The following SMAD2 variants were observed in gnomAD, a reference collection of about 807,000 sequenced individuals.
The protein encoded by SMAD2 is MAD homolog 2.
Under a neutral mutation model 64.4 loss-of-function variants are expected in SMAD2, and 8 were observed. The observed-to-expected ratio is 0.12, with a 90% CI of 0.07 to 0.22. SMAD2 has a LOEUF of 0.22. SMAD2 is among the 10% of genes least tolerant of loss of function. The pLI, the probability that SMAD2 is intolerant of heterozygous loss-of-function variation, is 1.00. For missense variants in SMAD2, 289 were observed against 561.2 expected (o/e 0.51, Z 4.90); for synonymous variants, 203 against 195.8 (o/e 1.04, Z -0.31).
Position 47,821,078 on chromosome 18 carries a change from G to C in SMAD2, c.*20749C>G, listed in dbSNP as rs889608242. On this transcript the variant is annotated 3_prime_UTR_variant, in exon 11 of 11. Transcript: ENST00000262160. Reference sequence around the variant, plus strand: ...TTAAATTTCTGCCATATTTCCTTCTGAGATCCGTTTAATTTCCCCTAGATT... The same window carrying C: ...TTAAATTTCTGCCATATTTCCTTCTCAGATCCGTTTAATTTCCCCTAGATT... 6.6e-6 allele frequency: 1 copy of C among 151,976 alleles called. No homozygotes were observed. Among genetic ancestry groups the C allele is most frequent in the African/African-American group, 2.4e-5 (1 of 41,376 alleles). 9.4% of individuals were successfully genotyped at this position (151,976 alleles called of 1,614,324 possible).
chr18:47,869,219 G>T (rs1196262995), intron 4 of SMAD2, 24 bp downstream of exon 4: 2 of 1,585,250 alleles, frequency 1.3e-6, no homozygotes, highest in Non-Finnish European at 1.7e-6. Context: ...TCAAAACCAA[G>T]AAAAAAACTT....
Position 47,841,736 on chromosome 18 carries a change from G to C in SMAD2, c.*91C>G. On this transcript the variant is annotated 3_prime_UTR_variant, in exon 11 of 11. Coordinates refer to ENST00000262160, the MANE Select transcript of SMAD2 (RefSeq NM_005901.6). ...GTGCTGTTTTCTCTCTTGAACTTTT[G>C]GATAGTAAACAGTCCATAGGGACCA... The C allele has an allele frequency of 1.4e-6, 2 of 1,470,122 alleles. No homozygotes were observed. Among genetic ancestry groups the C allele is most frequent in the African/African-American group, 1.4e-5 (1 of 72,246 alleles). The allele number at this position is 1,470,122 out of a possible 1,614,324, so 91.1% of individuals were successfully genotyped here. A position where few individuals can be genotyped will look rare whatever the true frequency, so the allele number is the denominator to read the frequency against.
chr18:47,887,393 C>T (rs1231541674), intron 2 of SMAD2, among the ~76,000 whole-genome samples: 4 of 152,112 alleles, frequency 2.6e-5, no homozygotes, highest in African/African-American at 7.2e-5. Flanking sequence ...AAAAGGGGCA[C>T]GATCTTAAGT....
At chr18:47,926,967 G>A (rs2034791791) in intron 1 of SMAD2, among the ~76,000 whole-genome samples, 1 of 152,166 alleles carries the variant, frequency 6.6e-6, no homozygotes, top group African/African-American at 2.4e-5. Context: ...GCCCAGTATT[G>A]TAACTGAGAA....
chr18:47,897,378 T>C (rs1598856970), intron 1 of SMAD2, among the ~76,000 whole-genome samples: 1 of 29,188 alleles, frequency 3.4e-5, no homozygotes, highest in African/African-American at 3.8e-5. Flanking sequence ...GAGAGAAATT[T>C]TTTAACACAT....
chr18:47,870,400 AC>A, intron 3 of SMAD2, 74 bp downstream of exon 3: 2 of 1,053,160 alleles, frequency 1.9e-6, no homozygotes, highest in Non-Finnish European at 3.0e-6. Flanking sequence ...ATACTAAGCA[AC>A]CCCATATAGG....
intron 10 of SMAD2, among the ~76,000 whole-genome samples, chr18:47,842,851 C>A (rs1007826085): frequency 6.6e-6 from 1 of 152,170 alleles, no homozygotes; most frequent in African/African-American, 2.4e-5. Context: ...AAGAGAATTA[C>A]AAATTATTCA....
intron 2 of SMAD2, among the ~76,000 whole-genome samples, chr18:47,887,127 T>C (rs778413255): frequency 2.6e-5 from 4 of 152,162 alleles, no homozygotes; most frequent in Non-Finnish European, 4.4e-5. Context: ...ACTCTAGTCA[T>C]TGCTCTCCAA....
intron 2 of SMAD2, among the ~76,000 whole-genome samples, chr18:47,870,997 C>A (rs2031898809): frequency 6.6e-6 from 1 of 152,038 alleles, no homozygotes; most frequent in Non-Finnish European, 1.5e-5. Flanking sequence ...AGACATGCAT[C>A]CACAGTTAAG....
At chr18:47,889,644 G>A (rs1043354398) in intron 2 of SMAD2, among the ~76,000 whole-genome samples, 17 of 151,870 alleles carry the variant, frequency 1.1e-4, no homozygotes, top group African/African-American at 2.9e-4. Flanking sequence ...GGTGGCAGGC[G>A]CCTGTAGTCC....
At position 47,920,780 on chromosome 18, in the gene SMAD2, G is replaced by A. The variant is rs140648242; in HGVS notation, c.-54+9581C>T. Among the ~76,000 whole-genome samples the A allele has an allele frequency of 1.6e-3, 250 of 152,320 alleles. 6 individuals carry two copies. In the East Asian group the frequency reaches 0.044, roughly 27 times the overall value. On this transcript the variant is annotated intron_variant, in intron 1 of 10. Transcript: ENST00000262160. ...AGACATACCTGCAAAGGAGCAAAAT[G>A]CTATATAAACGAAGTTATTTGTTGT...
At chr18:47,851,472 A>G (rs561922850) in intron 6 of SMAD2, 145 bp from the exon 7 acceptor site, 10 of 361,350 alleles carry the variant, frequency 2.8e-5, no homozygotes, top group Non-Finnish European at 5.1e-5. Context: ...GTAAGTGCTT[A>G]AATTTAGTTT....
chr18:47,823,350 G>A lies in SMAD2; in HGVS notation c.*18477C>T, dbSNP rs1302769842. ...ATCTGTTTTATTCTGAACATCTTTGGTAAAAATCAGGGTAACTTTAAGTTT... is the reference window on the plus strand; with the variant it reads ...ATCTGTTTTATTCTGAACATCTTTGATAAAAATCAGGGTAACTTTAAGTTT... On this transcript the variant is annotated 3_prime_UTR_variant, in exon 11 of 11. Transcript: ENST00000262160. The A allele has an allele frequency of 6.6e-6, 1 of 152,108 alleles. No homozygotes were observed. The highest frequency in any genetic ancestry group is 1.5e-5 in the Non-Finnish European group (1 of 68,028). 9.4% of individuals were successfully genotyped at this position (152,108 alleles called of 1,614,324 possible).
At chr18:47,897,365 CTT>C (rs1358451433) in intron 1 of SMAD2, among the ~76,000 whole-genome samples, 38 of 113,674 alleles carry the variant, frequency 3.3e-4, no homozygotes, top group Non-Finnish European at 1.7e-4. Flanking sequence ...TTCACCTGCT[CTT>C]GAGAGAAATT....
intron 2 of SMAD2, among the ~76,000 whole-genome samples, chr18:47,883,815 GT>G (rs2032746431): frequency 6.6e-6 from 1 of 152,032 alleles, no homozygotes; most frequent in Non-Finnish European, 1.5e-5. Flanking sequence ...TCTAAGTGTG[GT>G]TTTCTTTTTA....
chr18:47,911,205 G>A (rs1258487653), intron 1 of SMAD2, among the ~76,000 whole-genome samples: 1 of 152,018 alleles, frequency 6.6e-6, no homozygotes, highest in African/African-American at 2.4e-5. Context: ...ACAAAAATTA[G>A]CTGGGCGTGG....
In SMAD2 at chr18:47,896,801, G is replaced by A; in HGVS notation, c.-45C>T. 6.3e-7 allele frequency: 1 copy of A among 1,594,680 alleles called. No individual in the cohort carries two copies. The highest frequency in any genetic ancestry group is 8.5e-7 in the Non-Finnish European group (1 of 1,170,620). ...AGCCACGCTAGGAAAACAGCCTCTT[G>A]TATCGAACCTAGCAGAAATATTGAA... On this transcript the variant is annotated 5_prime_UTR_variant, in exon 2 of 11. Coordinates refer to ENST00000262160, the MANE Select transcript of SMAD2 (RefSeq NM_005901.6).
At chr18:47,866,973 G>A (rs2031609465) in intron 5 of SMAD2, 1 of 152,180 alleles carries the variant, frequency 6.6e-6, no homozygotes, top group Non-Finnish European at 1.5e-5. Flanking sequence ...TTGTCCCTAA[G>A]ACTGCATGTT....
intron 6 of SMAD2, among the ~76,000 whole-genome samples, chr18:47,852,558 T>C (rs527717697): frequency 6.6e-6 from 1 of 152,322 alleles, no homozygotes; most frequent in Non-Finnish European, 1.5e-5. Flanking sequence ...AGCTTTATCC[T>C]CTGCAAAGGT....
Sources: gnomAD v4.1 joint callset for allele counts (sites outside exome capture counted in the v4.1 genomes callset) on GRCh38, gnomAD v4.1.1 for gene constraint, MANE v1.5 for transcripts, NCBI Gene and HGNC (gene_info 2026-07-23, HGNC 2026-07-21) for gene names.